Variants in FARP1 observed in about 807,000 individuals in gnomAD.
The protein encoded by FARP1 is FERM, ARH/RhoGEF and pleckstrin domain protein 1, also known as FERM, ARHGEF and pleckstrin domain-containing protein 1.
A neutral mutation model predicts 128.8 loss-of-function variants in FARP1; 52 were observed. That is an observed-to-expected ratio of 0.40 (90% CI 0.32 to 0.51). The LOEUF (loss-of-function observed/expected upper bound fraction) is 0.51. FARP1 is among the 20% of genes least tolerant of loss of function. FARP1 has a pLI of 0.45. For synonymous variants in FARP1, 580 were observed against 551.8 expected, an observed-to-expected ratio of 1.05 and a Z score of -0.72; for missense variants, 1,333 against 1,367.9, an observed-to-expected ratio of 0.97 and a Z score of 0.40.
chr13:98,219,790 CT>C (rs1009123292), intron 2 of FARP1, among the ~76,000 whole-genome samples: 1 of 152,152 alleles, frequency 6.6e-6, no homozygotes, highest in African/African-American at 2.4e-5. Context: ...ACAGTCCCCC[CT>C]AGTTGCTGAG....
intron 1 of FARP1, among the ~76,000 whole-genome samples, chr13:98,200,562 GGATGGATAAGTGACTGGCCTGA>G (rs1196084647): frequency 6.6e-6 from 1 of 152,110 alleles, no homozygotes; most frequent in Non-Finnish European, 1.5e-5. Flanking sequence ...ATGACTTCTG[GGATGGATAAGTGACTGGCCTGA>G]TGTTCTCACA....
chr13:98,188,816 A>G (rs1224615084), intron 1 of FARP1, among the ~76,000 whole-genome samples: 2 of 152,130 alleles, frequency 1.3e-5, no homozygotes, highest in African/African-American at 4.8e-5. Flanking sequence ...GGGGGGTGAA[A>G]CGGGGACGCA....
chr13:98,440,745 G>T lies in FARP1; in HGVS notation c.2705G>T (p.Arg902Leu), dbSNP rs761715043. The T allele has an allele frequency of 6.2e-7, 1 of 1,613,360 alleles. No individual in the cohort carries two copies. Among genetic ancestry groups the T allele is most frequent in the African/African-American group, 1.3e-5 (1 of 75,074 alleles). ...DLSASRTSLE[R>L]QAPHRGNTMV... ...AGCGCCTCGCGCACATCGCTGGAGC[G>T]CCAGGCCCCGCACCGCGGCAACACA... Residue 902 changes from arginine to leucine, a missense_variant, in exon 24 of 27, where the codon CGC (arginine) becomes CTC (leucine). Physicochemically the swap from Arg to Leu is moderately radical, Grantham distance 102. Coordinates refer to ENST00000319562, the MANE Select transcript of FARP1 (RefSeq NM_005766.4).
At chr13:98,260,246 T>C (rs990366985) in intron 2 of FARP1, among the ~76,000 whole-genome samples, 1 of 152,246 alleles carries the variant, frequency 6.6e-6, no homozygotes, top group Non-Finnish European at 1.5e-5. Context: ...GAAGGTATTA[T>C]GTGTTGAGTT....
chr13:98,210,182 C>A (rs974223070), intron 1 of FARP1, among the ~76,000 whole-genome samples: 1 of 151,958 alleles, frequency 6.6e-6, no homozygotes, highest in Non-Finnish European at 1.5e-5. Context: ...GCTCACAGTT[C>A]CATTCCTTGC....
Position 98,176,882 on chromosome 13 carries a change from C to G in FARP1, c.-24+33390C>G, listed in dbSNP as rs199939990. 2 of 1,607,126 alleles carry G rather than the reference C, an allele frequency of 1.2e-6. No individual in the cohort carries two copies. The highest frequency in any genetic ancestry group is 1.1e-5 in the South Asian group (1 of 91,060). On this transcript the variant is annotated intron_variant, in intron 1 of 26. Transcript: ENST00000319562. The surrounding 1 kb of genome is among the most constrained non-coding windows in gnomAD (Gnocchi z 6.2). ...ATGGTCGGCGTATGGTGCTCCTTCT[C>G]GGTGTCCTGCTCGAAGTCAGCGGTG...
At chr13:98,267,056 G>A (rs1245897331) in intron 2 of FARP1, among the ~76,000 whole-genome samples, 1 of 149,524 alleles carries the variant, frequency 6.7e-6, no homozygotes, top group Non-Finnish European at 1.5e-5. Context: ...CAAGTGCAGA[G>A]AAAGGGGTTA....
chr13:98,285,535 G>T (rs2139642733), intron 2 of FARP1, among the ~76,000 whole-genome samples: 1 of 152,278 alleles, frequency 6.6e-6, no homozygotes, highest in South Asian at 2.1e-4. Context: ...CCTGTAATCT[G>T]CTGCCTTGTC....
chr13:98,269,160 G>C (rs1448003398), intron 2 of FARP1, among the ~76,000 whole-genome samples: 2 of 152,104 alleles, frequency 1.3e-5, no homozygotes, highest in South Asian at 2.1e-4. Context: ...GAACTGCCCT[G>C]ACCCTTGATA....
At chr13:98,389,707 A>G in intron 9 of FARP1, 1 of 392,254 alleles carries the variant, frequency 2.5e-6, no homozygotes. Context: ...TGTCACTTCC[A>G]TTGAAGCCAC....
intron 2 of FARP1, among the ~76,000 whole-genome samples, chr13:98,258,847 A>T (rs1883738048): frequency 1.3e-5 from 2 of 152,126 alleles, no homozygotes; most frequent in Admixed American, 1.3e-4. Flanking sequence ...CTTCATATGT[A>T]TTTATGTGAT....
chr13:98,384,618 A>T, intron 6 of FARP1, 112 bp from the exon 7 acceptor site: 2 of 660,368 alleles, frequency 3.0e-6, no homozygotes, highest in Admixed American at 4.9e-5. Flanking sequence ...TTCCCCACCA[A>T]CTGGGCTCAC....
At chr13:98,423,199 C>T (rs1011825189) in intron 16 of FARP1, among the ~76,000 whole-genome samples, 16 of 152,176 alleles carry the variant, frequency 1.1e-4, no homozygotes, top group African/African-American at 3.6e-4. Context: ...CTGCCTTTCC[C>T]ACTCAACTGA....
At chr13:98,438,426 T>C (rs1892379326) in intron 19 of FARP1, among the ~76,000 whole-genome samples, 1 of 152,110 alleles carries the variant, frequency 6.6e-6, no homozygotes, top group Non-Finnish European at 1.5e-5. Flanking sequence ...ATCCTGGGGT[T>C]ACACACATGG....
chr13:98,165,974 C>T (rs1681257622), intron 1 of FARP1, among the ~76,000 whole-genome samples: 1 of 152,004 alleles, frequency 6.6e-6, no homozygotes, highest in African/African-American at 2.4e-5. Context: ...CCTGCCTTGG[C>T]CTCCCAAAGT....
Position 98,449,398 on chromosome 13 carries a change from A to C in FARP1, c.*1081A>C, listed in dbSNP as rs1040777050. 3 of 152,110 alleles carry C rather than the reference A, an allele frequency of 2.0e-5. No homozygotes were observed. The highest frequency in any genetic ancestry group is 2.9e-5 in the Non-Finnish European group (2 of 68,020). 9.4% of individuals were successfully genotyped at this position (152,110 alleles called of 1,614,324 possible). ...GGACTGCACAGGGAACACGGTTTCCAGTGGCTTTGGCCCCTACTCGGGAAA... is the reference window on the plus strand; with the variant it reads ...GGACTGCACAGGGAACACGGTTTCCCGTGGCTTTGGCCCCTACTCGGGAAA... On this transcript the variant is annotated 3_prime_UTR_variant, in exon 27 of 27. Transcript: ENST00000319562.
At chr13:98,278,907 C>T (rs865890961) in intron 2 of FARP1, among the ~76,000 whole-genome samples, 1 of 151,920 alleles carries the variant, frequency 6.6e-6, no homozygotes, top group African/African-American at 2.4e-5. Context: ...CTCACTGCAA[C>T]CTCCGCCTCC....
Position 98,441,797 on chromosome 13 carries a change from G to A in FARP1, c.2796+961G>A, listed in dbSNP as rs147284374. ...TGGCTCGCCTGGGGAGGAAAGGGGCGAGGCAGGAGGTGGGCAGGGAAGCCT... is the reference window on the plus strand; with the variant it reads ...TGGCTCGCCTGGGGAGGAAAGGGGCAAGGCAGGAGGTGGGCAGGGAAGCCT... On this transcript the variant is annotated intron_variant, in intron 24 of 26. Coordinates refer to ENST00000319562, the MANE Select transcript of FARP1 (RefSeq NM_005766.4). 1.6e-3 allele frequency among the ~76,000 whole-genome samples: 249 copies of A among 152,274 alleles called. 2 individuals are homozygous for A. Among genetic ancestry groups the A allele is most frequent in the African/African-American group, 5.7e-3 (238 of 41,534 alleles).
chr13:98,371,605 T>C (rs1889335153), intron 5 of FARP1, among the ~76,000 whole-genome samples: 2 of 152,126 alleles, frequency 1.3e-5, no homozygotes, highest in African/African-American at 4.8e-5. Flanking sequence ...GTACAAGGCA[T>C]AGAGAACCTC....
Sources: gnomAD v4.1 joint callset for allele counts (sites outside exome capture counted in the v4.1 genomes callset) on GRCh38, gnomAD v4.1.1 for gene constraint, Gnocchi (gnomAD v3.1) non-coding constraint, MANE v1.5 for transcripts, NCBI Gene and HGNC (gene_info 2026-07-23, HGNC 2026-07-21) for gene names.